KMT2C: variants seen among roughly 807,000 people sequenced by gnomAD.
The protein encoded by KMT2C is histone-lysine N-methyltransferase 2C.
A neutral mutation model predicts 507.9 loss-of-function variants in KMT2C; 88 were observed. That is an observed-to-expected ratio of 0.17 (90% CI 0.15 to 0.21). The LOEUF (loss-of-function observed/expected upper bound fraction) is 0.21. KMT2C is among the 10% of genes least tolerant of loss of function. The probability of loss-of-function intolerance (pLI) is 1.00; values close to 1 mark genes in which losing one functional copy is unlikely to be tolerated. For missense variants in KMT2C, 4,954 were observed against 5,957.8 expected (o/e 0.83, Z 5.55); for synonymous variants, 2,049 against 2,080.8 (o/e 0.98, Z 0.42).
In KMT2C at chr7:152,253,717, CG is replaced by C. The variant is rs1415237384; in HGVS notation, c.1300-1003del. Among the ~76,000 whole-genome samples, 28 of 151,818 alleles carry C rather than the reference CG, an allele frequency of 1.8e-4. 1 individual carries two copies. In the East Asian group the frequency reaches 3.5e-3, roughly 19 times the overall value. On this transcript the variant is annotated intron_variant, in intron 9 of 58. Transcript: ENST00000262189. ...GTGGGGAAACACAGAGCACGGTCAA[CG>C]CCATGTGACTTGGTGTCTGAAAATG...
At chr7:152,302,097 C>T (rs1298987043) in intron 6 of KMT2C, among the ~76,000 whole-genome samples, 1 of 152,088 alleles carries the variant, frequency 6.6e-6, no homozygotes, top group Non-Finnish European at 1.5e-5. Flanking sequence ...GTTGGTTTTA[C>T]ACAAAGACAT....
intron 12 of KMT2C, 54 bp from the exon 13 acceptor site, chr7:152,250,007 G>A (rs554203515): frequency 1.9e-6 from 2 of 1,032,042 alleles, no homozygotes; most frequent in East Asian, 2.4e-5. Flanking sequence ...CTGTAACACT[G>A]TTCCCTCAAC....
chr7:152,316,796 C>A (rs139167624), intron 3 of KMT2C, among the ~76,000 whole-genome samples: 1 of 150,956 alleles, frequency 6.6e-6, no homozygotes, highest in Non-Finnish European at 1.5e-5. Context: ...CTGCTGGTAC[C>A]GAGACATACA....
intron 9 of KMT2C, among the ~76,000 whole-genome samples, chr7:152,258,383 G>T (rs2095697894): frequency 6.6e-6 from 1 of 152,152 alleles, no homozygotes; most frequent in Non-Finnish European, 1.5e-5. Flanking sequence ...AAGTGTTCTT[G>T]CTTACAAAAG....
intron 1 of KMT2C, among the ~76,000 whole-genome samples, chr7:152,404,215 T>G (rs2982755): frequency 0.011 from 1,694 of 152,148 alleles, no homozygotes; most frequent in South Asian, 0.015. Flanking sequence ...TGAAAGAACA[T>G]TGATCTTTTA....
intron 2 of KMT2C, among the ~76,000 whole-genome samples, chr7:152,339,980 T>C (rs900875381): frequency 1.3e-5 from 2 of 151,904 alleles, no homozygotes; most frequent in African/African-American, 4.8e-5. Flanking sequence ...CCCTCTATGC[T>C]TTAATCAACT....
At chr7:152,417,665 G>A (rs1002226548) in intron 1 of KMT2C, among the ~76,000 whole-genome samples, 8 of 151,946 alleles carry the variant, frequency 5.3e-5, no homozygotes, top group African/African-American at 1.7e-4. Flanking sequence ...TTGTTGAGAC[G>A]GAGTCTTGCT....
At chr7:152,360,897 T>C (rs1589442854) in intron 1 of KMT2C, among the ~76,000 whole-genome samples, 1 of 150,638 alleles carries the variant, frequency 6.6e-6, no homozygotes, top group Middle Eastern at 3.5e-3. Context: ...GGTTTTATAA[T>C]TAAACTACTA....
intron 6 of KMT2C, among the ~76,000 whole-genome samples, chr7:152,290,568 G>T (rs201410356): frequency 2.0e-5 from 3 of 150,696 alleles, no homozygotes; most frequent in Admixed American, 6.6e-5. Context: ...TCAGCCTCCC[G>T]AAGTGCTGGG....
chr7:152,194,539 A>T lies in KMT2C; in HGVS notation c.4408T>A (p.Ser1470Thr). The part of the protein sequence containing the change: ...DIGPVTDDPS[S>T]LPQPNVNQSS... The stretch of plus-strand genomic sequence containing the variant: ...TGATTGACATTTGGCTGAGGCAAAG[A>T]GGAAGGATCATCAGTGACAGGACCA... The change falls in exon 29 of 59, where the codon TCT (serine) becomes ACT (threonine). Residue 1470 changes from serine (S) to threonine (T), a missense_variant. Transcript: ENST00000262189. The T allele has an allele frequency of 6.2e-7, 1 of 1,613,128 alleles. No homozygotes were observed. The highest frequency in any genetic ancestry group is 8.5e-7 in the Non-Finnish European group (1 of 1,179,230).
intron 44 of KMT2C, chr7:152,157,831 C>T (rs761120915): frequency 7.5e-6 from 10 of 1,331,222 alleles, no homozygotes; most frequent in South Asian, 1.2e-5. Context: ...TCCTAGAAGT[C>T]GATTCCCACT....
At chr7:152,375,082 G>C (rs2097318098) in intron 1 of KMT2C, among the ~76,000 whole-genome samples, 2 of 152,174 alleles carry the variant, frequency 1.3e-5, no homozygotes, top group African/African-American at 4.8e-5. Flanking sequence ...TCACTCTGCT[G>C]CCCAAACTGG....
At chr7:152,299,374 C>T (rs1165948704) in intron 6 of KMT2C, among the ~76,000 whole-genome samples, 4 of 150,138 alleles carry the variant, frequency 2.7e-5, no homozygotes, top group African/African-American at 1.0e-4. Flanking sequence ...TCCAAGAAGA[C>T]CAGGTGCAAT....
At chr7:152,368,605 G>A (rs1369915225) in intron 1 of KMT2C, 5 of 1,434,764 alleles carry the variant, frequency 3.5e-6, no homozygotes, top group Non-Finnish European at 4.8e-6. Context: ...ACATATTTTA[G>A]AACAGAACTC....
chr7:152,166,297 T>C (rs2092725338), intron 42 of KMT2C, among the ~76,000 whole-genome samples: 1 of 151,912 alleles, frequency 6.6e-6, no homozygotes. Flanking sequence ...AATTTTTGTA[T>C]TTTTAGTAGA....
chr7:152,391,329 G>A (rs868234769), intron 1 of KMT2C, among the ~76,000 whole-genome samples: 14 of 150,266 alleles, frequency 9.3e-5, no homozygotes, highest in Non-Finnish European at 1.5e-4. Context: ...TGCAACCTCC[G>A]CCTCCCGGGT....
chr7:152,294,830 CTG>C (rs2096474207), intron 6 of KMT2C, among the ~76,000 whole-genome samples: 1 of 152,154 alleles, frequency 6.6e-6, no homozygotes, highest in Admixed American at 6.5e-5. Flanking sequence ...GTAACTTATT[CTG>C]TGTTAACATC....
At chr7:152,405,065 G>A (rs77375897) in intron 1 of KMT2C, among the ~76,000 whole-genome samples, 2,218 of 120,676 alleles carry the variant, frequency 0.018, no homozygotes, top group East Asian at 0.073. Context: ...TGCCCAGCTG[G>A]TCTCAAACTC....
In KMT2C at chr7:152,162,882, A is replaced by C; in HGVS notation, c.10695T>G (p.Asn3565Lys). 6.2e-7 allele frequency: 1 copy of C among 1,614,178 alleles called. No individual in the cohort carries two copies. Among genetic ancestry groups the C allele is most frequent in the African/African-American group, 1.3e-5 (1 of 75,030 alleles). Residue 3565 changes from asparagine to lysine, a missense_variant, in exon 43 of 59, where the codon AAT becomes AAG. Asn to Lys is a moderately conservative substitution (Grantham distance 94). Coordinates refer to ENST00000262189, the MANE Select transcript of KMT2C (RefSeq NM_170606.3). ...PALPAAPPVA[N>K]SSLPCGQDST... ...AATCTTGGCCACATGGGAGACTGCT[A>C]TTAGCTACTGGAGGTGCTGCTGGTA...
Sources: allele counts gnomAD v4.1 joint callset (sites outside exome capture counted in the v4.1 genomes callset), GRCh38; gene constraint gnomAD v4.1.1; transcripts MANE v1.5; gene names NCBI Gene and HGNC (gene_info 2026-07-23, HGNC 2026-07-21).